Variants in ATL1 observed in about 807,000 individuals in gnomAD.
ATL1 encodes the protein atlastin-1.
A neutral mutation model predicts 75.5 loss-of-function variants in ATL1; 31 were observed. The observed-to-expected ratio is 0.41, with a 90% CI of 0.31 to 0.55. ATL1 has a LOEUF of 0.55. ATL1 is among the 20% of genes least tolerant of loss of function. The pLI, the probability that ATL1 is intolerant of heterozygous loss-of-function variation, is 0.27. For missense variants in ATL1, 405 were observed against 662.6 expected (o/e 0.61, Z 4.27); for synonymous variants, 226 against 233.3 (o/e 0.97, Z 0.28).
At chr14:50,622,961 A>T (rs530526594) in intron 10 of ATL1, among the ~76,000 whole-genome samples, 1 of 152,328 alleles carries the variant, frequency 6.6e-6, no homozygotes, top group South Asian at 2.1e-4. Flanking sequence ...TCATTTTAGA[A>T]GTATTGTGTA....
intron 6 of ATL1, among the ~76,000 whole-genome samples, chr14:50,606,760 C>A (rs1473723946): frequency 6.6e-6 from 1 of 151,896 alleles, no homozygotes; most frequent in Non-Finnish European, 1.5e-5. Context: ...TGATACAAAA[C>A]AATTCAAGAC....
At chr14:50,594,885 G>C (rs1435955422) in intron 5 of ATL1, among the ~76,000 whole-genome samples, 1 of 151,870 alleles carries the variant, frequency 6.6e-6, no homozygotes, top group South Asian at 2.1e-4. Context: ...TGTGGTCCCA[G>C]CTATTCAGTA....
chr14:50,544,543 C>A (rs978752617), intron 1 of ATL1, among the ~76,000 whole-genome samples: 1 of 152,188 alleles, frequency 6.6e-6, no homozygotes, highest in Non-Finnish European at 1.5e-5. Context: ...ACACAAGACA[C>A]AGACATGACT....
intron 1 of ATL1, among the ~76,000 whole-genome samples, chr14:50,567,978 T>C (rs1284176259): frequency 6.6e-6 from 1 of 152,226 alleles, no homozygotes; most frequent in African/African-American, 2.4e-5. Context: ...CTAGAATGTC[T>C]GTATTTGTCT....
rs77618391 is a variant in ATL1 at position 50,595,560 on chromosome 14, G to C, written c.574-16G>C. On this transcript the variant is annotated splice_polypyrimidine_tract_variant and intron_variant, in intron 5 of 13. Coordinates refer to ENST00000358385, the MANE Select transcript of ATL1 (RefSeq NM_015915.5). ...TCTCTCTCTGTGTATGTGTGTGTGT[G>C]TAATTTTTTTTCTAGCTTTTCACTG... 6.2e-7 allele frequency: 1 copy of C among 1,612,612 alleles called. No homozygotes were observed. Among genetic ancestry groups the C allele is most frequent in the East Asian group, 2.2e-5 (1 of 44,828 alleles).
chr14:50,579,875 C>A (rs1242760134), intron 1 of ATL1, among the ~76,000 whole-genome samples: 1 of 152,162 alleles, frequency 6.6e-6, no homozygotes, highest in Non-Finnish European at 1.5e-5. Context: ...CTTTTCCCCA[C>A]CTACCCACTG....
intron 1 of ATL1, among the ~76,000 whole-genome samples, chr14:50,551,174 A>T (rs1361108668): frequency 6.6e-6 from 1 of 152,208 alleles, no homozygotes; most frequent in African/African-American, 2.4e-5. Context: ...AATAAGCTCA[A>T]TTAGAAACAA....
chr14:50,611,834 A>G (rs1227973559), intron 6 of ATL1, among the ~76,000 whole-genome samples: 2 of 152,178 alleles, frequency 1.3e-5, no homozygotes, highest in Non-Finnish European at 2.9e-5. Flanking sequence ...AAGGTTATAA[A>G]TTGGTACTTT....
intron 1 of ATL1, chr14:50,560,544 T>G (rs1595579987): frequency 1.5e-5 from 8 of 548,016 alleles, no homozygotes; most frequent in Non-Finnish European, 1.6e-5. Flanking sequence ...CAGCTCCTTC[T>G]TCCCCACCCC....
At chr14:50,628,920 G>A (rs2039549959) in intron 12 of ATL1, among the ~76,000 whole-genome samples, 1 of 152,108 alleles carries the variant, frequency 6.6e-6, no homozygotes, top group Admixed American at 6.5e-5. Context: ...GTTTCACCAT[G>A]TTGGCCAGGC....
At chr14:50,631,528 CAA>C (rs1265343638) in intron 13 of ATL1, among the ~76,000 whole-genome samples, 1 of 151,992 alleles carries the variant, frequency 6.6e-6, no homozygotes, top group East Asian at 1.9e-4. Flanking sequence ...GGCCAGGAAA[CAA>C]AGATATCTAT....
At chr14:50,541,914 G>A (rs961604264) in intron 1 of ATL1, among the ~76,000 whole-genome samples, 11 of 147,922 alleles carry the variant, frequency 7.4e-5, no homozygotes, top group African/African-American at 2.8e-4. Flanking sequence ...AGCTGAGGCA[G>A]GAGAATGGCA....
chr14:50,556,143 C>CT (rs141354515), upstream of ATL1, among the ~76,000 whole-genome samples: 1,695 of 152,270 alleles, frequency 0.011, 27 homozygotes, highest in African/African-American at 0.038. Flanking sequence ...TGACTTTTGA[C>CT]TTTTTAAAAA....
intron 1 of ATL1, among the ~76,000 whole-genome samples, chr14:50,550,360 G>A (rs1285624008): frequency 6.6e-6 from 1 of 152,210 alleles, no homozygotes; most frequent in African/African-American, 2.4e-5. Context: ...GGTCCCTACT[G>A]AACATCTGTG....
At chr14:50,596,968 G>C (rs535837432) in intron 6 of ATL1, among the ~76,000 whole-genome samples, 2 of 152,166 alleles carry the variant, frequency 1.3e-5, no homozygotes, top group East Asian at 3.9e-4. Context: ...CCAGCACTTT[G>C]GGAGGCTAAG....
intron 1 of ATL1, among the ~76,000 whole-genome samples, chr14:50,567,344 C>T (rs762355354): frequency 6.6e-6 from 1 of 152,148 alleles, no homozygotes; most frequent in East Asian, 1.9e-4. Context: ...GTATACACCA[C>T]ATTTTTTTAT....
intron 13 of ATL1, 101 bp from the exon 14 acceptor site, chr14:50,632,128 C>T: frequency 1.5e-6 from 1 of 686,278 alleles, no homozygotes; most frequent in South Asian, 2.1e-5. Context: ...ATTTCAAATT[C>T]AACATGCTAA....
At chr14:50,560,586 C>A in intron 1 of ATL1, 1 of 480,400 alleles carries the variant, frequency 2.1e-6, no homozygotes, top group East Asian at 3.9e-5. Context: ...TTGGACAGCA[C>A]CCACCAGGCG....
chr14:50,589,661 A>G (rs535880778), intron 2 of ATL1, among the ~76,000 whole-genome samples: 1 of 152,312 alleles, frequency 6.6e-6, no homozygotes, highest in African/African-American at 2.4e-5. Context: ...TCTTCCCTAG[A>G]GTGGAAATTA....
Sources: allele counts gnomAD v4.1 joint callset (sites outside exome capture counted in the v4.1 genomes callset), GRCh38; gene constraint gnomAD v4.1.1; transcripts MANE v1.5; gene names NCBI Gene and HGNC (gene_info 2026-07-23, HGNC 2026-07-21).